Variants in SPEF2 observed in about 807,000 individuals in gnomAD.
SPEF2 encodes the protein sperm flagella and cilia-associated protein 2.
SPEF2 carries 187 observed loss-of-function variants against 224.6 expected under a neutral mutation model. The observed-to-expected ratio is 0.83, with a 90% CI of 0.74 to 0.94. The LOEUF is 0.94. SPEF2 is among the 40% of genes least tolerant of loss of function. The pLI, the probability that SPEF2 is intolerant of heterozygous loss-of-function variation, is 0.00. For synonymous variants in SPEF2, 715 were observed against 707.3 expected, an observed-to-expected ratio of 1.01 and a Z score of -0.17; for missense variants, 2,170 against 2,135.6, an observed-to-expected ratio of 1.02 and a Z score of -0.32.
In SPEF2 at chr5:35,641,178, ATC is replaced by A. The variant is rs573448040; in HGVS notation, c.162-252_162-251del. 7.0e-3 allele frequency among the ~76,000 whole-genome samples: 1,065 copies of A among 152,272 alleles called. 15 individuals carry two copies. The highest frequency in any genetic ancestry group is 0.025 in the African/African-American group (1,031 of 41,552). On this transcript the variant is annotated intron_variant, in intron 2 of 36. Coordinates refer to ENST00000356031, the MANE Select transcript of SPEF2 (RefSeq NM_024867.4). ...GACTTCTGTATTTACTTCTGAAGAA[ATC>A]CTATTGTCAATTTAGAGCAGAAAAA... is the stretch of plus-strand genomic sequence containing the variant.
intron 23 of SPEF2, among the ~76,000 whole-genome samples, chr5:35,748,804 C>A (rs1005343527): frequency 1.3e-5 from 2 of 151,460 alleles, no homozygotes; most frequent in African/African-American, 4.8e-5. Flanking sequence ...AAAGCATTAC[C>A]AAAACCAGCA....
chr5:35,780,261 T>TA (rs1198750177), intron 30 of SPEF2, among the ~76,000 whole-genome samples: 1 of 152,182 alleles, frequency 6.6e-6, no homozygotes, highest in African/African-American at 2.4e-5. Context: ...TGTTACTTTT[T>TA]AAAAAAGTCC....
chr5:35,703,992 T>C (rs758503134), intron 16 of SPEF2, among the ~76,000 whole-genome samples: 1 of 152,192 alleles, frequency 6.6e-6, no homozygotes, highest in Non-Finnish European at 1.5e-5. Flanking sequence ...GTAAGTATTC[T>C]GGACTTTGTA....
At chr5:35,626,581 C>T (rs549532294) in intron 1 of SPEF2, among the ~76,000 whole-genome samples, 2 of 149,906 alleles carry the variant, frequency 1.3e-5, no homozygotes, top group Non-Finnish European at 2.9e-5. Flanking sequence ...ATGTTTTTTA[C>T]CTTTTATTTT....
intron 23 of SPEF2, among the ~76,000 whole-genome samples, chr5:35,745,711 C>A (rs1160623163): frequency 6.6e-6 from 1 of 152,182 alleles, no homozygotes; most frequent in South Asian, 2.1e-4. Flanking sequence ...TTAGCTCTGC[C>A]ACACCTGATG....
intron 20 of SPEF2, among the ~76,000 whole-genome samples, chr5:35,720,259 CATAA>C (rs1170218217): frequency 1.3e-5 from 2 of 152,094 alleles, no homozygotes; most frequent in African/African-American, 4.8e-5. Flanking sequence ...TATTAAAGGC[CATAA>C]ATAGTCAAAA....
In SPEF2 at chr5:35,753,637, G is replaced by A. The variant is rs372972593; in HGVS notation, c.3344G>A (p.Arg1115His). Residue 1115 changes from arginine to histidine, a missense_variant, in exon 24 of 37, where the codon CGC becomes CAC. By Grantham distance (29) the Arg-to-His change is conservative. Transcript: ENST00000356031. ...TTTTCTGTTCAGGATCTGCGAGACCGCCTGTGGGACATTTGTGATGCCCGG... is the reference window on the plus strand; with the variant it reads ...TTTTCTGTTCAGGATCTGCGAGACCACCTGTGGGACATTTGTGATGCCCGG... ...LHQRVNDLRD[R>H]LWDICDARKE... The A allele has an allele frequency of 3.2e-5, 51 of 1,613,970 alleles. No homozygotes were observed. Among genetic ancestry groups the A allele is most frequent in the Admixed American group, 6.7e-5 (4 of 60,000 alleles).
At chr5:35,762,047 T>C (rs72738881) in intron 25 of SPEF2, among the ~76,000 whole-genome samples, 4,011 of 152,258 alleles carry the variant, frequency 0.026, 74 homozygotes, top group Non-Finnish European at 0.04. Flanking sequence ...AACAACCCTA[T>C]AGCAATAATA....
In SPEF2 at chr5:35,644,410, A is replaced by G; in HGVS notation, c.470A>G (p.Tyr157Cys). 1.2e-6 allele frequency: 2 copies of G among 1,610,430 alleles called. No individual in the cohort carries two copies. The highest frequency in any genetic ancestry group is 2.2e-5 in the East Asian group (1 of 44,798). Residue 157 changes from tyrosine (Y) to cysteine (C), a missense_variant, in exon 4 of 37, where the codon TAC (tyrosine) becomes TGC (cysteine). Tyr to Cys is a radical substitution (Grantham distance 194). Transcript: ENST00000356031. ...GATTTCAATCTGATGCGGATTACAT[A>G]CAGGTTTCAAGAAAAATATAAACAC... is the stretch of plus-strand genomic sequence containing the variant. ...QTDFNLMRIT[Y>C]RFQEKYKHVK...
intron 21 of SPEF2, among the ~76,000 whole-genome samples, chr5:35,736,340 G>A (rs547326751): frequency 6.6e-6 from 1 of 152,290 alleles, no homozygotes; most frequent in Non-Finnish European, 1.5e-5. Context: ...CCAAGACTGA[G>A]TCATTTATAA....
chr5:35,714,879 T>C (rs6869545), intron 20 of SPEF2, among the ~76,000 whole-genome samples: 113,915 of 151,570 alleles, frequency 0.75, 43,162 homozygotes, highest in Middle Eastern at 0.83. Context: ...TTCTTCTGCA[T>C]AACGTTTGAT....
chr5:35,665,053 C>G (rs924654140), intron 8 of SPEF2, among the ~76,000 whole-genome samples: 1 of 152,008 alleles, frequency 6.6e-6, no homozygotes, highest in African/African-American at 2.4e-5. Context: ...GTTTTTTGAG[C>G]TTTACTTTGA....
intron 8 of SPEF2, among the ~76,000 whole-genome samples, chr5:35,659,666 C>T (rs1452536536): frequency 6.6e-6 from 1 of 152,114 alleles, no homozygotes; most frequent in Non-Finnish European, 1.5e-5. Context: ...CTGTTTTCTT[C>T]AAGTATGAAG....
chr5:35,704,645 A>C lies in SPEF2; in HGVS notation c.2490A>C (p.Arg830Ser), dbSNP rs1419078364. 1 of 1,607,210 alleles carries C rather than the reference A, an allele frequency of 6.2e-7. No homozygotes were observed. The highest frequency in any genetic ancestry group is 8.5e-7 in the Non-Finnish European group (1 of 1,174,398). ...NQDKDGDQNL[R>S]DQIQHRIIGF... ...ATAAGGATGGAGACCAAAATTTAAG[A>C]GACCAGATACAACATAGGTTAGTTT... The change falls in exon 17 of 37, where the codon AGA becomes AGC. Residue 830 changes from arginine to serine, a missense_variant. By Grantham distance (110) the Arg-to-Ser change is moderately radical. Coordinates refer to ENST00000356031, the MANE Select transcript of SPEF2 (RefSeq NM_024867.4).
Position 35,771,649 on chromosome 5 carries a change from AAG to A in SPEF2, c.3844_3845del (p.Glu1282LysfsTer17). On this transcript the variant is annotated frameshift_variant, in exon 27 of 37. Coordinates refer to ENST00000356031, the MANE Select transcript of SPEF2 (RefSeq NM_024867.4). LOFTEE classifies it high-confidence loss of function. ...CATCAGAGGCTTATGGAAGAAGAAA[AAG>A]AAAACCAGCCAGCAGACCCCAAAGA... 6.2e-7 allele frequency: 1 copy of A among 1,611,266 alleles called. No individual in the cohort carries two copies. The highest frequency in any genetic ancestry group is 8.5e-7 in the Non-Finnish European group (1 of 1,179,280).
chr5:35,686,180 C>T (rs1440949989), intron 10 of SPEF2, among the ~76,000 whole-genome samples: 1 of 152,042 alleles, frequency 6.6e-6, no homozygotes, highest in African/African-American at 2.4e-5. Context: ...TAACAAAATA[C>T]TAATGTATCT....
intron 7 of SPEF2, among the ~76,000 whole-genome samples, chr5:35,656,467 T>C (rs1297408160): frequency 6.6e-6 from 1 of 152,208 alleles, no homozygotes; most frequent in Non-Finnish European, 1.5e-5. Flanking sequence ...CCCTTTTAAT[T>C]AGAAGAATTT....
At position 35,740,229 on chromosome 5, in the gene SPEF2, G is replaced by C. The variant is rs202008140; in HGVS notation, c.3292G>C (p.Asp1098His). Residue 1098 changes from aspartate (D) to histidine (H), a missense_variant, in exon 23 of 37, where the codon GAT (aspartate) becomes CAT (histidine). Coordinates refer to ENST00000356031, the MANE Select transcript of SPEF2 (RefSeq NM_024867.4). ...FNSLPDDLWD[D>H]EETKAELHQR... Reference sequence around the variant, plus strand: ...CTCCCTTCCTGATGACCTGTGGGATGATGAGGAAACAAAGGCTGAACTACA... The same window carrying C: ...CTCCCTTCCTGATGACCTGTGGGATCATGAGGAAACAAAGGCTGAACTACA... The C allele has an allele frequency of 2.5e-6, 4 of 1,614,130 alleles. No homozygotes were observed. Among genetic ancestry groups the C allele is most frequent in the South Asian group, 2.2e-5 (2 of 91,076 alleles).
intron 14 of SPEF2, among the ~76,000 whole-genome samples, chr5:35,696,743 G>T (rs574180541): frequency 5.3e-4 from 80 of 152,252 alleles, no homozygotes; most frequent in Non-Finnish European, 7.4e-4. Flanking sequence ...CATGAGAAAA[G>T]GAAACATGGA....
Sources: allele counts gnomAD v4.1 joint callset (sites outside exome capture counted in the v4.1 genomes callset), GRCh38; gene constraint gnomAD v4.1.1; transcripts MANE v1.5; gene names NCBI Gene and HGNC (gene_info 2026-07-23, HGNC 2026-07-21).